ARHGAP26: variants seen among roughly 807,000 people sequenced by gnomAD.
The protein encoded by ARHGAP26 is rho GTPase-activating protein 26.
Under a neutral mutation model 104.8 loss-of-function variants are expected in ARHGAP26, and 38 were observed. The observed-to-expected ratio is 0.36, with a 90% CI of 0.28 to 0.48. The LOEUF (loss-of-function observed/expected upper bound fraction) is 0.48, where lower values mean the gene tolerates loss of function less well. ARHGAP26 is among the 20% of genes least tolerant of loss of function. The pLI, the probability that ARHGAP26 is intolerant of heterozygous loss-of-function variation, is 0.99. For missense variants in ARHGAP26, 704 were observed against 947.9 expected (o/e 0.74, Z 3.38); for synonymous variants, 341 against 340.0 (o/e 1.00, Z -0.03).
intron 9 of ARHGAP26, 118 bp downstream of exon 9, chr5:142,907,922 T>A: frequency 1.6e-6 from 1 of 606,292 alleles, no homozygotes; most frequent in East Asian, 3.6e-5. Flanking sequence ...AATTTAAAAT[T>A]AATAATTTAA....
chr5:142,819,372 G>C (rs1217637006), intron 1 of ARHGAP26, among the ~76,000 whole-genome samples: 1 of 152,128 alleles, frequency 6.6e-6, no homozygotes. Context: ...GGGTAGACAG[G>C]TCACAAAAAG....
At chr5:142,861,154 G>A (rs1753256368) in intron 1 of ARHGAP26, among the ~76,000 whole-genome samples, 1 of 152,090 alleles carries the variant, frequency 6.6e-6, no homozygotes, top group East Asian at 1.9e-4. Flanking sequence ...GTGGGGAGGC[G>A]GGGAGCCTGG....
chr5:143,102,849 G>T (rs181397011), intron 17 of ARHGAP26, among the ~76,000 whole-genome samples: 25 of 151,850 alleles, frequency 1.6e-4, no homozygotes, highest in African/African-American at 6.0e-4. Flanking sequence ...TCCCTTGCTT[G>T]CTTTGTCCTT....
At chr5:143,035,277 G>A (rs1016162545) in intron 12 of ARHGAP26, among the ~76,000 whole-genome samples, 2 of 152,182 alleles carry the variant, frequency 1.3e-5, no homozygotes, top group South Asian at 4.1e-4. Flanking sequence ...TTGCAGAAAC[G>A]TGGAACCAGC....
rs56660252 is a variant in ARHGAP26 at position 142,862,007 on chromosome 5, G to A, written c.155-11393G>A. ...CTTGTGTATGGCTCCAGGTTCTGCC[G>A]TCTGTGACTTTCCGAATTCACAACT... On this transcript the variant is annotated intron_variant, in intron 1 of 22. Coordinates refer to ENST00000645722, the MANE Select transcript of ARHGAP26 (RefSeq NM_001135608.3). 0.015 allele frequency among the ~76,000 whole-genome samples: 2,225 copies of A among 152,300 alleles called. 182 individuals carry two copies. In the East Asian group the frequency reaches 0.25, roughly 17 times the overall value.
intron 11 of ARHGAP26, among the ~76,000 whole-genome samples, chr5:142,961,485 C>T (rs538160943): frequency 6.6e-6 from 1 of 152,232 alleles, no homozygotes; most frequent in African/African-American, 2.4e-5. Context: ...AAACAAGACC[C>T]TGTCTCAAAA....
chr5:143,187,596 A>C (rs775278917), intron 20 of ARHGAP26, among the ~76,000 whole-genome samples: 51 of 152,252 alleles, frequency 3.3e-4, no homozygotes, highest in Non-Finnish European at 5.7e-4. Flanking sequence ...AGGCCAGAGG[A>C]GAACAGTGGC....
At chr5:143,133,216 C>T (rs988204313) in intron 18 of ARHGAP26, among the ~76,000 whole-genome samples, 16 of 151,002 alleles carry the variant, frequency 1.1e-4, no homozygotes, top group African/African-American at 3.9e-4. Context: ...AAAAGCCCCT[C>T]CTCCAAAAAA....
chr5:142,808,738 C>T (rs554283166), intron 1 of ARHGAP26, among the ~76,000 whole-genome samples: 8 of 152,200 alleles, frequency 5.3e-5, no homozygotes, highest in African/African-American at 1.9e-4. Flanking sequence ...CTGTTTGGGA[C>T]TAGGGTTGAG....
At chr5:142,918,492 A>C (rs1034427857) in intron 10 of ARHGAP26, among the ~76,000 whole-genome samples, 4 of 152,320 alleles carry the variant, frequency 2.6e-5, no homozygotes, top group South Asian at 4.1e-4. Context: ...ATCTACTTTT[A>C]ATTCTTATAT....
chr5:142,998,138 A>C (rs1776677002), intron 11 of ARHGAP26, among the ~76,000 whole-genome samples: 1 of 152,212 alleles, frequency 6.6e-6, no homozygotes. Flanking sequence ...CCTGCAAATA[A>C]CAAAAATTGA....
At chr5:142,872,058 C>T (rs1447157240) in intron 1 of ARHGAP26, among the ~76,000 whole-genome samples, 1 of 152,190 alleles carries the variant, frequency 6.6e-6, no homozygotes, top group Non-Finnish European at 1.5e-5. Context: ...ACAGCCCACG[C>T]CCAGCTCTTC....
chr5:143,012,109 T>G (rs1161098254), intron 11 of ARHGAP26, among the ~76,000 whole-genome samples: 1 of 152,192 alleles, frequency 6.6e-6, no homozygotes, highest in Non-Finnish European at 1.5e-5. Flanking sequence ...AGCGTTTAGG[T>G]ATATGCATTG....
intron 11 of ARHGAP26, among the ~76,000 whole-genome samples, chr5:142,987,185 T>C (rs1353106477): frequency 6.6e-6 from 1 of 152,234 alleles, no homozygotes; most frequent in Non-Finnish European, 1.5e-5. Flanking sequence ...CAGTGGTTTG[T>C]AGTTCTCCTT....
At position 143,121,008 on chromosome 5, in the gene ARHGAP26, A is replaced by G. The variant is rs142172254; in HGVS notation, c.1559A>G (p.Gln520Arg). The change falls in exon 18 of 23, where the codon CAG becomes CGG. Residue 520 changes from glutamine to arginine, a missense_variant. Transcript: ENST00000645722. ...CCCAGTGTTGCTAACAACCACAAGC[A>G]GAATTTGATGACGGTGGCAAACCTT... ...HLANVANNHK[Q>R]NLMTVANLGV... The G allele has an allele frequency of 3.4e-5, 55 of 1,613,300 alleles. No individual in the cohort carries two copies. Among genetic ancestry groups the G allele is most frequent in the Non-Finnish European group, 4.6e-5 (54 of 1,179,588 alleles).
intron 17 of ARHGAP26, among the ~76,000 whole-genome samples, chr5:143,070,277 C>T (rs921031620): frequency 1.3e-5 from 2 of 152,226 alleles, no homozygotes; most frequent in African/African-American, 4.8e-5. Context: ...TTATGAGCTT[C>T]CCTTCCAAAT....
chr5:143,004,426 A>C (rs1777654542), intron 11 of ARHGAP26, among the ~76,000 whole-genome samples: 1 of 152,176 alleles, frequency 6.6e-6, no homozygotes, highest in South Asian at 2.1e-4. Flanking sequence ...TCCAGGGCCT[A>C]TACCAGTGAA....
Position 143,166,705 on chromosome 5 carries a change from G to T in ARHGAP26, c.1988+19324G>T, listed in dbSNP as rs3776247. Among the ~76,000 whole-genome samples the T allele has an allele frequency of 3.8e-3, 572 of 152,298 alleles. 12 individuals carry two copies. The East Asian group carries it at 0.044, about 12-fold the overall frequency. On this transcript the variant is annotated intron_variant, in intron 20 of 22. Transcript: ENST00000645722. Reference sequence around the variant, plus strand: ...TGAGGGAAAGCATCTATGGACTGGAGACCTTGAGGCAGGGGATTCTACAGT... The same window carrying T: ...TGAGGGAAAGCATCTATGGACTGGATACCTTGAGGCAGGGGATTCTACAGT...
chr5:142,852,751 A>G (rs1237179801), intron 1 of ARHGAP26, among the ~76,000 whole-genome samples: 1 of 152,220 alleles, frequency 6.6e-6, no homozygotes, highest in Non-Finnish European at 1.5e-5. Flanking sequence ...GAACTCTGTC[A>G]TCATGATAAC....
Sources: allele counts gnomAD v4.1 joint callset (sites outside exome capture counted in the v4.1 genomes callset), GRCh38; gene constraint gnomAD v4.1.1; transcripts MANE v1.5; gene names NCBI Gene and HGNC (gene_info 2026-07-23, HGNC 2026-07-21).